Variants in NPNT observed in about 807,000 individuals in gnomAD.
NPNT encodes preosteoblast EGF-like repeat protein with MAM domain.
NPNT carries 45 observed loss-of-function variants against 68.6 expected under a neutral mutation model. The observed-to-expected ratio is 0.66, with a 90% CI of 0.52 to 0.84. The LOEUF is 0.84. NPNT is among the 40% of genes least tolerant of loss of function. The pLI, the probability that NPNT is intolerant of heterozygous loss-of-function variation, is 0.00. For synonymous variants in NPNT, 233 were observed against 253.3 expected (o/e 0.92, Z 0.76); for missense variants, 672 against 714.8 (o/e 0.94, Z 0.68).
chr4:105,936,406 T>G (rs1178434147), intron 3 of NPNT, among the ~76,000 whole-genome samples: 2 of 151,058 alleles, frequency 1.3e-5, no homozygotes, highest in Non-Finnish European at 2.9e-5. Flanking sequence ...CTTAATTTAT[T>G]TCGTTCTTAT....
chr4:105,944,428 T>C (rs139633214), intron 8 of NPNT, among the ~76,000 whole-genome samples: 211 of 152,330 alleles, frequency 1.4e-3, no homozygotes, highest in African/African-American at 4.8e-3. Context: ...AATATTTTTT[T>C]CATTATGATG....
Position 105,971,285 on chromosome 4 carries a change from G to C in NPNT, c.*2295G>C. Reference sequence around the variant, plus strand: ...TTCTCTTATCAATTGGACTCTCCCAGGTTCCACAGAACAGTAATATTTTTT... The same window carrying C: ...TTCTCTTATCAATTGGACTCTCCCACGTTCCACAGAACAGTAATATTTTTT... On this transcript the variant is annotated 3_prime_UTR_variant, in exon 12 of 12. Transcript: ENST00000379987. 5.3e-6 allele frequency: 2 copies of C among 378,404 alleles called. No individual in the cohort carries two copies. The highest frequency in any genetic ancestry group is 5.9e-5 in the Admixed American group (2 of 34,134). 23.4% of individuals were successfully genotyped at this position (378,404 alleles called of 1,614,324 possible).
rs1326264078 is a variant in NPNT, at chr4:105,940,419, T to A, written c.641-95T>A. 4.6e-6 allele frequency: 6 copies of A among 1,296,726 alleles called. No homozygotes were observed. The East Asian group carries it at 1.2e-4, about 25-fold the overall frequency. The allele number at this position is 1,296,726 out of a possible 1,614,324, so 80.3% of individuals were successfully genotyped here. On this transcript the variant is annotated intron_variant, in intron 6 of 11. Transcript: ENST00000379987. Reference sequence around the variant, plus strand: ...GCCAATATTATGTAGATCATCACATTGCCAAAAAAAATCATTTTTGAAACT... The same window carrying A: ...GCCAATATTATGTAGATCATCACATAGCCAAAAAAAATCATTTTTGAAACT...
At chr4:105,898,318 C>CTCTCTCTCTG (rs1330169711) in intron 2 of NPNT, among the ~76,000 whole-genome samples, 1 of 127,586 alleles carries the variant, frequency 7.8e-6, no homozygotes, top group African/African-American at 4.0e-5. Context: ...CTCTGTCTCT[C>CTCTCTCTCTG]TCTCTCTCTG....
At chr4:105,927,302 C>T (rs780670129) in intron 2 of NPNT, 34 bp from the exon 3 acceptor site, 1 of 1,388,264 alleles carries the variant, frequency 7.2e-7, no homozygotes, top group East Asian at 2.3e-5. Flanking sequence ...GTTTCGTTGA[C>T]CTAGAAATAA....
At chr4:105,959,523 CTT>C (rs1014448942) in intron 10 of NPNT, among the ~76,000 whole-genome samples, 45 of 129,584 alleles carry the variant, frequency 3.5e-4, no homozygotes, top group African/African-American at 8.7e-4. Context: ...TTTTTCTTTT[CTT>C]TTTTTTTTTT....
intron 2 of NPNT, chr4:105,927,106 A>G: frequency 3.4e-6 from 1 of 293,938 alleles, no homozygotes; most frequent in South Asian, 1.0e-4. Context: ...TTGTCCTTGA[A>G]TTTAAAATTT....
chr4:105,898,015 C>T lies in NPNT; in HGVS notation c.172+14C>T, dbSNP rs772115721. The T allele has an allele frequency of 6.4e-7, 1 of 1,559,964 alleles. No homozygotes were observed. Among genetic ancestry groups the T allele is most frequent in the Admixed American group, 1.9e-5 (1 of 52,000 alleles). On this transcript the variant is annotated intron_variant, in intron 2 of 11. Coordinates refer to ENST00000379987, the MANE Select transcript of NPNT (RefSeq NM_001033047.3). ...GACAGTGTCAGCGTGAGTATCAAGC[C>T]TGGGGACTTCAGTTCCCTGGGAGGT...
At chr4:105,918,228 G>T (rs1020193894) in intron 2 of NPNT, among the ~76,000 whole-genome samples, 2 of 152,250 alleles carry the variant, frequency 1.3e-5, no homozygotes, top group South Asian at 2.1e-4. Context: ...CATCATATTA[G>T]TCGAGGCCCA....
intron 8 of NPNT, 42 bp from the exon 9 acceptor site, chr4:105,958,427 TCA>T (rs112811203): frequency 2.8e-3 from 3,028 of 1,095,482 alleles, no homozygotes; most frequent in South Asian, 3.6e-3. Flanking sequence ...TATCAATACT[TCA>T]CACACACACA....
chr4:105,929,428 A>G (rs922957213), intron 3 of NPNT: 1 of 152,148 alleles, frequency 6.6e-6, no homozygotes, highest in East Asian at 1.9e-4. Flanking sequence ...GATTTTCCCA[A>G]TGCTTGTTTT....
chr4:105,930,975 G>A (rs1370077544), intron 3 of NPNT, among the ~76,000 whole-genome samples: 1 of 152,170 alleles, frequency 6.6e-6, no homozygotes, highest in African/African-American at 2.4e-5. Context: ...GGAAATTACA[G>A]GCTTGGGCTG....
At chr4:105,933,457 C>T (rs1029762246) in intron 3 of NPNT, among the ~76,000 whole-genome samples, 5 of 152,118 alleles carry the variant, frequency 3.3e-5, no homozygotes, top group African/African-American at 1.2e-4. Flanking sequence ...TAATCATTGT[C>T]TCTGCTGAGA....
rs1303855765 is a variant in NPNT at position 105,967,228 on chromosome 4, G to A, written c.1386G>A (p.Gly462=). ...CAGTGTCGGCAGCCAAAGCCCCAGG[G>A]GGAAAAGCTGCACGCTTGGTGCTAC... The part of the protein sequence containing the change: ...YLTVSAAKAP[G]GKAARLVLPL... The change falls in exon 11 of 12, where the codon GGG becomes GGA. Residue 462 remains glycine, a synonymous_variant. Coordinates refer to ENST00000379987, the MANE Select transcript of NPNT (RefSeq NM_001033047.3). 1.9e-6 allele frequency: 3 copies of A among 1,613,970 alleles called. No homozygotes were observed. Among genetic ancestry groups the A allele is most frequent in the South Asian group, 2.2e-5 (2 of 91,074 alleles).
rs139608881 is a variant in NPNT at position 105,912,956 on chromosome 4, C to T, written c.173-14380C>T. 8.4e-3 allele frequency among the ~76,000 whole-genome samples: 1,272 copies of T among 152,310 alleles called. 3 individuals carry two copies. Among genetic ancestry groups the T allele is most frequent in the Non-Finnish European group, 0.011 (765 of 68,026 alleles). ...GATCTTGGCTTACTGCAAACTCCGC[C>T]TCTTAGGTTCAAGTGATTCTCCAGC... On this transcript the variant is annotated intron_variant, in intron 2 of 11. Coordinates refer to ENST00000379987, the MANE Select transcript of NPNT (RefSeq NM_001033047.3).
intron 10 of NPNT, among the ~76,000 whole-genome samples, chr4:105,960,578 T>A (rs912628235): frequency 6.6e-6 from 1 of 152,236 alleles, no homozygotes; most frequent in Non-Finnish European, 1.5e-5. Context: ...GAATATTCAA[T>A]AAATTCAAAT....
rs1178238208 is a variant in NPNT, at chr4:105,967,196, T to C, written c.1354T>C (p.Tyr452His). ...EPIRDPAGGQ[Y>H]LTVSAAKAPG... is the part of the protein sequence containing the mutation. ...TGCTTTTCCCATTCCAGGTGGACAA[T>C]ATCTGACAGTGTCGGCAGCCAAAGC... Residue 452 changes from tyrosine to histidine, a missense_variant, in exon 11 of 12, where the codon TAT becomes CAT. Physicochemically the swap from Tyr to His is moderately conservative, Grantham distance 83. Coordinates refer to ENST00000379987, the MANE Select transcript of NPNT (RefSeq NM_001033047.3). 6.2e-6 allele frequency: 10 copies of C among 1,613,236 alleles called. No individual in the cohort carries two copies. The Admixed American group carries it at 1.7e-4, about 27-fold the overall frequency.
chr4:105,938,146 C>G (rs1729638140), intron 4 of NPNT, among the ~76,000 whole-genome samples, 155 bp from the exon 5 acceptor site: 1 of 152,054 alleles, frequency 6.6e-6, no homozygotes, highest in African/African-American at 2.4e-5. Flanking sequence ...CTTTCCTTCC[C>G]CCTTTTATTT....
intron 8 of NPNT, among the ~76,000 whole-genome samples, chr4:105,952,985 G>A (rs1560536068): frequency 1.3e-5 from 2 of 152,154 alleles, no homozygotes. Context: ...GGCCAACATG[G>A]TGAAACCCTG....
Sources: allele counts gnomAD v4.1 joint callset (sites outside exome capture counted in the v4.1 genomes callset), GRCh38; gene constraint gnomAD v4.1.1; transcripts MANE v1.5; gene names NCBI Gene and HGNC (gene_info 2026-07-23, HGNC 2026-07-21).